QTMAN: variants seen among roughly 807,000 people sequenced by gnomAD.
QTMAN encodes the protein queuosine-tRNA mannosyltransferase.
the QTMAN span, among the ~76,000 whole-genome samples, chr2:144,159,368 C>T: frequency 6.6e-6 from 1 of 151,962 alleles, no homozygotes; most frequent in Non-Finnish European, 1.5e-5. Context: ...GGTTGGGAGC[C>T]ACTTTTCCTT....
the QTMAN span, among the ~76,000 whole-genome samples, chr2:144,223,608 A>G: frequency 6.6e-6 from 1 of 152,348 alleles, no homozygotes; most frequent in African/African-American, 2.4e-5. Context: ...AAAGCCATAT[A>G]ACAATATTGA....
At chr2:144,173,587 C>G in the QTMAN span, among the ~76,000 whole-genome samples, 1 of 152,310 alleles carries the variant, frequency 6.6e-6, no homozygotes, top group South Asian at 2.1e-4. Flanking sequence ...CAGTTAAGAC[C>G]ACAGCCCTGA....
the QTMAN span, among the ~76,000 whole-genome samples, chr2:144,049,793 C>T: frequency 1.3e-5 from 2 of 152,034 alleles, no homozygotes; most frequent in African/African-American, 2.4e-5. Context: ...CTCATGTAAA[C>T]ATCAGAGACC....
At chr2:144,011,303 T>C in the QTMAN span, among the ~76,000 whole-genome samples, 1 of 152,086 alleles carries the variant, frequency 6.6e-6, no homozygotes, top group Admixed American at 6.6e-5. Flanking sequence ...AACAAATGTA[T>C]TAATAATACT....
the QTMAN span, among the ~76,000 whole-genome samples, chr2:144,143,774 CAT>C: frequency 1.3e-5 from 2 of 151,912 alleles, no homozygotes; most frequent in East Asian, 3.9e-4. Flanking sequence ...ATAGTTGTGA[CAT>C]GTGTTCATAA....
the QTMAN span, among the ~76,000 whole-genome samples, chr2:144,310,714 T>C: frequency 2.0e-5 from 3 of 152,200 alleles, no homozygotes; most frequent in Admixed American, 2.0e-4. Flanking sequence ...AAAAGAAGAG[T>C]CAGGGATGAC....
chr2:144,236,117 T>C, the QTMAN span, among the ~76,000 whole-genome samples: 2 of 152,050 alleles, frequency 1.3e-5, no homozygotes, highest in Admixed American at 1.3e-4. Flanking sequence ...AGAAGGTCAA[T>C]AGTTTGTCAG....
the QTMAN span, among the ~76,000 whole-genome samples, chr2:144,225,662 T>G: frequency 1.3e-5 from 2 of 152,208 alleles, no homozygotes; most frequent in Admixed American, 1.3e-4. Flanking sequence ...CTTCATGACC[T>G]GTCAAATTCC....
the QTMAN span, among the ~76,000 whole-genome samples, chr2:143,961,635 G>C: frequency 6.6e-6 from 1 of 152,070 alleles, no homozygotes; most frequent in Non-Finnish European, 1.5e-5. Context: ...ACAATTTCTT[G>C]AGAGATGTTT....
chr2:144,078,139 T>C, the QTMAN span, among the ~76,000 whole-genome samples: 1 of 152,222 alleles, frequency 6.6e-6, no homozygotes, highest in Admixed American at 6.5e-5. Flanking sequence ...TCATTTATTG[T>C]TCAGTTCACA....
chr2:143,966,088 C>T, the QTMAN span, among the ~76,000 whole-genome samples: 1 of 152,088 alleles, frequency 6.6e-6, no homozygotes, highest in Non-Finnish European at 1.5e-5. Flanking sequence ...AATTTCTCAC[C>T]GTTATCAACT....
the QTMAN span, among the ~76,000 whole-genome samples, chr2:144,209,128 G>A: frequency 6.6e-6 from 1 of 152,134 alleles, no homozygotes; most frequent in Non-Finnish European, 1.5e-5. Flanking sequence ...CTCACTTCCT[G>A]GTTTGTTCGG....
chr2:144,273,969 A>G, the QTMAN span, among the ~76,000 whole-genome samples: 1 of 152,096 alleles, frequency 6.6e-6, no homozygotes, highest in Non-Finnish European at 1.5e-5. Context: ...CCCCATCTCT[A>G]CTAAAAATAC....
the QTMAN span, among the ~76,000 whole-genome samples, chr2:144,244,202 T>A: frequency 7.9e-5 from 12 of 152,236 alleles, no homozygotes; most frequent in African/African-American, 2.9e-4. Context: ...TGAATGGGCA[T>A]AAACAACTCC....
the QTMAN span, among the ~76,000 whole-genome samples, chr2:143,949,130 G>A: frequency 2.0e-5 from 3 of 151,904 alleles, no homozygotes; most frequent in Admixed American, 6.6e-5. Context: ...GTGTGTGTGT[G>A]TATAAGAGAG....
chr2:144,082,654 A>G, the QTMAN span, among the ~76,000 whole-genome samples: 1 of 152,138 alleles, frequency 6.6e-6, no homozygotes, highest in Non-Finnish European at 1.5e-5. Context: ...GTGATTTTGT[A>G]TAACCCTCTT....
the QTMAN span, among the ~76,000 whole-genome samples, chr2:144,226,520 G>A: frequency 6.6e-6 from 1 of 152,100 alleles, no homozygotes; most frequent in Non-Finnish European, 1.5e-5. Context: ...TTGTGATTAT[G>A]TAAGAACCCT....
At chr2:144,166,591 T>C in the QTMAN span, among the ~76,000 whole-genome samples, 138 of 152,316 alleles carry the variant, frequency 9.1e-4, no homozygotes, top group Non-Finnish European at 1.7e-3. Flanking sequence ...TTAACTTTGG[T>C]CACATTGTCA....
chr2:144,144,412 G>A, the QTMAN span, among the ~76,000 whole-genome samples: 1 of 151,828 alleles, frequency 6.6e-6, no homozygotes, highest in Non-Finnish European at 1.5e-5. Context: ...TTTCTCAGGG[G>A]TAATAAACAC....
Sources: allele counts gnomAD v4.1 joint callset (sites outside exome capture counted in the v4.1 genomes callset), GRCh38; gene constraint gnomAD v4.1.1; transcripts MANE v1.5; gene names NCBI Gene and HGNC (gene_info 2026-07-23, HGNC 2026-07-21).